The following CSMD1 variants were observed in gnomAD, a reference collection of about 807,000 sequenced individuals.
CSMD1 encodes CUB and sushi domain-containing protein 1.
Under a neutral mutation model 417.5 loss-of-function variants are expected in CSMD1, and 213 were observed. The observed-to-expected ratio is 0.51, with a 90% CI of 0.46 to 0.57. The LOEUF is 0.57. CSMD1 is among the 20% of genes least tolerant of loss of function. The pLI is 0.00. For synonymous variants in CSMD1, 2,862 were observed against 1,736.8 expected (o/e 1.65, Z -16.11); for missense variants, 6,923 against 4,529.7 (o/e 1.53, Z -15.17).
chr8:2,990,061 T>C (rs551853810), intron 54 of CSMD1, among the ~76,000 whole-genome samples: 2 of 152,164 alleles, frequency 1.3e-5, no homozygotes, highest in Admixed American at 6.5e-5. Flanking sequence ...AATTATGCTG[T>C]CCCCCTGTGT....
At chr8:4,089,791 C>A (rs148494024) in intron 3 of CSMD1, among the ~76,000 whole-genome samples, 134 of 152,174 alleles carry the variant, frequency 8.8e-4, no homozygotes, top group Non-Finnish European at 1.5e-3. Context: ...TAATGCCACT[C>A]AGTCTACCGA....
At chr8:3,524,119 G>A (rs1466496241) in intron 10 of CSMD1, among the ~76,000 whole-genome samples, 8 of 135,856 alleles carry the variant, frequency 5.9e-5, no homozygotes, top group African/African-American at 2.3e-4. Context: ...ATGGACATAT[G>A]TGCACATACA....
chr8:3,914,344 G>A (rs916096760), intron 5 of CSMD1, among the ~76,000 whole-genome samples: 3 of 152,138 alleles, frequency 2.0e-5, no homozygotes, highest in Non-Finnish European at 4.4e-5. Context: ...GAGGGTATCA[G>A]GATGTGTCCC....
intron 3 of CSMD1, among the ~76,000 whole-genome samples, chr8:4,205,227 T>A (rs1289639645): frequency 6.6e-6 from 1 of 152,252 alleles, no homozygotes; most frequent in Non-Finnish European, 1.5e-5. Context: ...GGTAGAACTC[T>A]ATTTCAAATA....
intron 25 of CSMD1, among the ~76,000 whole-genome samples, chr8:3,285,113 G>C (rs1803048124): frequency 6.6e-6 from 1 of 152,132 alleles, no homozygotes; most frequent in South Asian, 2.1e-4. Context: ...CCCTGAATGG[G>C]TCTGATTTAC....
chr8:3,651,045 C>A (rs2117381231), intron 7 of CSMD1, among the ~76,000 whole-genome samples: 1 of 152,276 alleles, frequency 6.6e-6, no homozygotes, highest in East Asian at 1.9e-4. Context: ...TACAGCTTAC[C>A]CACCAGAATA....
At chr8:3,223,057 A>C (rs1798307225) in intron 28 of CSMD1, among the ~76,000 whole-genome samples, 3 of 152,254 alleles carry the variant, frequency 2.0e-5, no homozygotes, top group Admixed American at 2.0e-4. Flanking sequence ...ACATTCATTT[A>C]GTTCAAAAGT....
At chr8:4,600,859 T>G (rs1800542324) in intron 2 of CSMD1, among the ~76,000 whole-genome samples, 1 of 152,322 alleles carries the variant, frequency 6.6e-6, no homozygotes, top group Admixed American at 6.5e-5. Flanking sequence ...CTTTAAAAGG[T>G]TTGCTTATCG....
chr8:4,685,832 G>A (rs1806348741), intron 1 of CSMD1, among the ~76,000 whole-genome samples: 1 of 152,154 alleles, frequency 6.6e-6, no homozygotes, highest in Admixed American at 6.5e-5. Context: ...AATTTGCCAT[G>A]ACTCATATTT....
At chr8:4,388,599 T>G (rs761602443) in intron 3 of CSMD1, among the ~76,000 whole-genome samples, 1 of 152,008 alleles carries the variant, frequency 6.6e-6, no homozygotes, top group Non-Finnish European at 1.5e-5. Context: ...TAGGGTACAG[T>G]GTATACTGCT....
chr8:4,284,016 T>A (rs958530995), intron 3 of CSMD1, among the ~76,000 whole-genome samples: 2 of 152,148 alleles, frequency 1.3e-5, no homozygotes. Flanking sequence ...GTGAATCACT[T>A]GAGGTCAGGA....
chr8:3,488,482 C>G (rs1818184582), intron 11 of CSMD1, among the ~76,000 whole-genome samples: 1 of 152,142 alleles, frequency 6.6e-6, no homozygotes, highest in African/African-American at 2.4e-5. Flanking sequence ...TAGTATGCTT[C>G]TTGCAGTATA....
intron 5 of CSMD1, among the ~76,000 whole-genome samples, chr8:3,769,004 C>T (rs988650743): frequency 1.3e-5 from 2 of 152,220 alleles, no homozygotes; most frequent in African/African-American, 4.8e-5. Context: ...AGGCCCACAG[C>T]ACACCTGGGG....
intron 1 of CSMD1, among the ~76,000 whole-genome samples, chr8:4,967,298 A>C (rs766416134): frequency 3.3e-5 from 5 of 152,318 alleles, no homozygotes; most frequent in Admixed American, 2.6e-4. Context: ...CATTTCAGGC[A>C]TTTTAAGTTG....
chr8:3,836,455 G>A (rs1234793121), intron 5 of CSMD1, among the ~76,000 whole-genome samples: 1 of 151,996 alleles, frequency 6.6e-6, no homozygotes, highest in Non-Finnish European at 1.5e-5. Flanking sequence ...GCATTAATAG[G>A]GAAACTGTAG....
rs1284228399 is a variant in CSMD1 at position 4,059,587 on chromosome 8, G to T, written c.416-27488C>A. On this transcript the variant is annotated intron_variant, in intron 3 of 69. Coordinates refer to ENST00000635120, the MANE Select transcript of CSMD1 (RefSeq NM_033225.6). The stretch of plus-strand genomic sequence containing the variant: ...AAAAAGAGAGAAGAATCAAATAGAT[G>T]CAATAAAAAATGATAAAGGGGATAT... Among the ~76,000 whole-genome samples the T allele has an allele frequency of 3.9e-5, 6 of 151,908 alleles. No homozygotes were observed. The East Asian group carries it at 7.7e-4, about 20-fold the overall frequency.
rs190349670 is a variant in CSMD1 at position 3,376,379 on chromosome 8, C to T, written c.2783-7009G>A. Among the ~76,000 whole-genome samples the T allele has an allele frequency of 5.0e-4, 76 of 152,096 alleles. 2 individuals are homozygous for T. In the South Asian group the frequency reaches 0.016, roughly 31 times the overall value. On this transcript the variant is annotated intron_variant, in intron 18 of 69. Transcript: ENST00000635120. ...TTGGGAAGGAAAGCATTGATTATAT[C>T]TCATGGTGACACAGACTTGTTTTTA...
chr8:4,681,532 T>C (rs191508022), intron 1 of CSMD1, among the ~76,000 whole-genome samples: 14 of 152,294 alleles, frequency 9.2e-5, no homozygotes, highest in Admixed American at 5.9e-4. Context: ...CTTTCCTTTG[T>C]TGTTTACGCC....
chr8:3,765,570 T>G (rs991839060), intron 5 of CSMD1, among the ~76,000 whole-genome samples: 2 of 152,222 alleles, frequency 1.3e-5, no homozygotes, highest in Non-Finnish European at 2.9e-5. Flanking sequence ...CCTTAACAAG[T>G]CAATTCTAAA....
Sources: gnomAD v4.1 joint callset for allele counts (sites outside exome capture counted in the v4.1 genomes callset) on GRCh38, gnomAD v4.1.1 for gene constraint, MANE v1.5 for transcripts, NCBI Gene and HGNC (gene_info 2026-07-23, HGNC 2026-07-21) for gene names.